Variants in CEP72 observed in about 807,000 individuals in gnomAD.
CEP72 encodes the protein centrosomal protein of 72 kDa.
CEP72 carries 78 observed loss-of-function variants against 65.7 expected under a neutral mutation model. The ratio of observed to expected loss-of-function variants is 1.19; its 90% CI spans 0.99 to 1.43. The LOEUF (loss-of-function observed/expected upper bound fraction) is 1.43, where lower values mean the gene tolerates loss of function less well. CEP72 is among the 40% of genes most tolerant of loss of function. CEP72 has a pLI of 0.00. For synonymous variants in CEP72, 358 were observed against 351.7 expected (o/e 1.02, Z -0.20); for missense variants, 914 against 832.9 (o/e 1.10, Z -1.20).
At chr5:643,613 G>A (rs114495201) in intron 9 of CEP72, 8 of 985,156 alleles carry the variant, frequency 8.1e-6, no homozygotes, top group African/African-American at 1.7e-5. Flanking sequence ...GCTGGGGCCT[G>A]CTCAGCACCC....
chr5:672,167 C>T (rs1174877768), downstream of CEP72, among the ~76,000 whole-genome samples: 1 of 152,200 alleles, frequency 6.6e-6, no homozygotes, highest in African/African-American at 2.4e-5. Flanking sequence ...GTCCTACCGG[C>T]CCTCCACACT....
chr5:667,582 G>A (rs369017633), downstream of CEP72, among the ~76,000 whole-genome samples: 111 of 151,820 alleles, frequency 7.3e-4, no homozygotes, highest in South Asian at 0.021. Context: ...CAAAACGTTC[G>A]AAACTCTGCT....
chr5:665,080 G>A (rs1313153431), intron 2 of CEP72: 3 of 1,601,348 alleles, frequency 1.9e-6, no homozygotes, highest in Non-Finnish European at 2.5e-6. Context: ...CACCGGCAGT[G>A]CCGCGAGGCA....
intron 9 of CEP72, chr5:640,995 G>C (rs1737977034): frequency 1.0e-6 from 1 of 985,340 alleles, no homozygotes; most frequent in Non-Finnish European, 1.2e-6. Context: ...AGTGTCCCAT[G>C]GTGAGCTGGG....
At chr5:673,108 G>A in the CEP72 span, among the ~76,000 whole-genome samples, 7 of 152,150 alleles carry the variant, frequency 4.6e-5, no homozygotes, top group African/African-American at 1.7e-4. Context: ...GGGAGGCAGA[G>A]GCTCCCACAA....
downstream of CEP72, among the ~76,000 whole-genome samples, chr5:668,304 G>A (rs1406531205): frequency 1.1e-5 from 1 of 89,958 alleles, no homozygotes; most frequent in East Asian, 3.1e-4. Flanking sequence ...GGGAAGTACC[G>A]ACAAGCACAC....
In CEP72 at chr5:664,889, G is replaced by A. The variant is rs554675144; in HGVS notation, n.288-291G>A. ...AGGCAGGTGTATTAGGAGGGTCAGCGAACTGGGGCCCAAACCTGGTTTGAG... is the reference window on the plus strand; with the variant it reads ...AGGCAGGTGTATTAGGAGGGTCAGCAAACTGGGGCCCAAACCTGGTTTGAG... On this transcript the variant is annotated intron_variant and non_coding_transcript_variant, in intron 2 of 4. Coordinates refer to the CEP72 transcript ENST00000514507. 8.1e-5 allele frequency: 48 copies of A among 591,914 alleles called. 1 individual carries two copies. The highest frequency in any genetic ancestry group is 1.5e-4 in the Admixed American group (5 of 32,440). The allele number at this position is 591,914 out of a possible 1,614,324, so 36.7% of individuals were successfully genotyped here. A position where few individuals can be genotyped will look rare whatever the true frequency, so the allele number is the denominator to read the frequency against.
At chr5:668,449 G>A (rs934868292), downstream of CEP72, among the ~76,000 whole-genome samples, 17 of 133,340 alleles carry the variant, frequency 1.3e-4, no homozygotes, top group African/African-American at 3.8e-4. Flanking sequence ...GGGAAGTGCG[G>A]ACAAGCACAC....
At chr5:646,056 G>A (rs1052782421) in intron 10 of CEP72, among the ~76,000 whole-genome samples, 3 of 150,206 alleles carry the variant, frequency 2.0e-5, no homozygotes, top group African/African-American at 4.9e-5. Context: ...ATTCGGCTTC[G>A]TTACACTGTG....
chr5:648,883 G>A (rs1580020485), intron 11 of CEP72, among the ~76,000 whole-genome samples: 1 of 132,296 alleles, frequency 7.6e-6, no homozygotes, highest in South Asian at 2.7e-4. Flanking sequence ...ACTGTGAGGT[G>A]TGACTGTGAG....
intron 1 of CEP72, chr5:612,700 C>T: frequency 2.3e-6 from 2 of 882,192 alleles, no homozygotes; most frequent in Non-Finnish European, 2.7e-6. Flanking sequence ...GGTTCCGTGA[C>T]TGGGGGTTAC....
At chr5:633,652 G>A (rs911821403) in intron 4 of CEP72, 117 bp from the exon 5 acceptor site, 14 of 981,504 alleles carry the variant, frequency 1.4e-5, no homozygotes, top group Admixed American at 1.2e-4. Context: ...GCTGCCCCAC[G>A]TTTGCAGCAC....
In CEP72 at chr5:653,012, C is replaced by T. The variant is rs775736123; in HGVS notation, c.1803C>T (p.His601=). The T allele has an allele frequency of 2.5e-6, 4 of 1,612,760 alleles. No individual in the cohort carries two copies. The highest frequency in any genetic ancestry group is 1.7e-5 in the Admixed American group (1 of 59,800). Residue 601 remains histidine (H), a synonymous_variant, in exon 12 of 12, where the codon CAC becomes CAT. Coordinates refer to ENST00000264935, the MANE Select transcript of CEP72 (RefSeq NM_018140.4). ...GCTCCCTGGTCAGCACCAATGAACA[C>T]CTGCTGCAGGAGCTGAGCCAGGTGC... ...SHSSLVSTNE[H]LLQELSQVRA... is the part of the protein sequence containing the mutation.
chr5:620,183 C>T lies in CEP72; in HGVS notation c.325C>T (p.Arg109Trp), dbSNP rs148249239. ...AACCGAGCTCGTGGATGTGGACTTC[C>T]GGCTGAACCCCGTGGTGAAGGTTGA... ...ALTELVDVDF[R>W]LNPVVKVEPD... is the part of the protein sequence containing the mutation. The change falls in exon 3 of 12, where the codon CGG (arginine) becomes TGG (tryptophan). Residue 109 changes from arginine (R) to tryptophan (W), a missense_variant. Transcript: ENST00000264935. 58 of 1,614,046 alleles carry T rather than the reference C, an allele frequency of 3.6e-5. No individual in the cohort carries two copies. The highest frequency in any genetic ancestry group is 6.7e-5 in the Admixed American group (4 of 60,002).
At chr5:649,456 G>A (rs1738761897) in intron 11 of CEP72, among the ~76,000 whole-genome samples, 2 of 39,810 alleles carry the variant, frequency 5.0e-5, no homozygotes, top group Non-Finnish European at 9.5e-5. Flanking sequence ...GGTGTGGACT[G>A]TGAGGTGTGA....
chr5:658,659 T>A (rs1408308112), downstream of CEP72, among the ~76,000 whole-genome samples: 7 of 52,322 alleles, frequency 1.3e-4, no homozygotes, highest in African/African-American at 5.5e-4. Flanking sequence ...TTTTTTTTTT[T>A]TTTTTTTTTT....
intron 4 of CEP72, among the ~76,000 whole-genome samples, chr5:633,241 A>G (rs1411960107): frequency 2.5e-5 from 2 of 79,580 alleles, no homozygotes; most frequent in Admixed American, 1.4e-4. Context: ...GCTGGATTTG[A>G]CCCAGTCCTG....
downstream of CEP72, among the ~76,000 whole-genome samples, chr5:669,068 C>G (rs953445204): frequency 1.3e-5 from 2 of 152,242 alleles, no homozygotes; most frequent in Non-Finnish European, 2.9e-5. Context: ...AGAAACACAC[C>G]AAGTGCTCGG....
chr5:627,956 T>G (rs1736859985), intron 4 of CEP72, among the ~76,000 whole-genome samples: 1 of 152,222 alleles, frequency 6.6e-6, no homozygotes, highest in African/African-American at 2.4e-5. Context: ...GTGGATGCAC[T>G]TTCCTGCTTT....
Sources: allele counts gnomAD v4.1 joint callset (sites outside exome capture counted in the v4.1 genomes callset), GRCh38; gene constraint gnomAD v4.1.1; transcripts MANE v1.5; gene names NCBI Gene and HGNC (gene_info 2026-07-23, HGNC 2026-07-21).